TAOK3: variants seen among roughly 807,000 people sequenced by gnomAD.
TAOK3 encodes serine/threonine-protein kinase TAO3.
A neutral mutation model predicts 120.4 loss-of-function variants in TAOK3; 40 were observed. The observed-to-expected ratio is 0.33, with a 90% CI of 0.26 to 0.43. The LOEUF (loss-of-function observed/expected upper bound fraction) is 0.43. Among genes scored for constraint, TAOK3 ranks in the 20% least tolerant of loss-of-function variants. TAOK3 has a pLI of 1.00. For synonymous variants in TAOK3, 355 were observed against 387.5 expected, an observed-to-expected ratio of 0.92 and a Z score of 0.99; for missense variants, 821 against 1,112.1, an observed-to-expected ratio of 0.74 and a Z score of 3.72.
chr12:118,236,287 G>T (rs2040017667), intron 7 of TAOK3: 1 of 152,096 alleles, frequency 6.6e-6, no homozygotes, highest in African/African-American at 2.4e-5. Flanking sequence ...GTAAAAAGAA[G>T]ACCCTGAAAG....
chr12:118,286,991 C>T (rs909660726), intron 1 of TAOK3, among the ~76,000 whole-genome samples: 57 of 152,236 alleles, frequency 3.7e-4, no homozygotes, highest in African/African-American at 1.3e-3. Flanking sequence ...ATAGTATGTT[C>T]TCACTCATAA....
chr12:118,350,937 G>C (rs2045119827), intron 1 of TAOK3, among the ~76,000 whole-genome samples: 1 of 152,040 alleles, frequency 6.6e-6, no homozygotes, highest in African/African-American at 2.4e-5. Context: ...CCAGCACTTT[G>C]GGAGGCTGAG....
At chr12:118,298,917 G>A (rs9943819) in intron 1 of TAOK3, among the ~76,000 whole-genome samples, 38,435 of 152,012 alleles carry the variant, frequency 0.25, 5,759 homozygotes, top group African/African-American at 0.42. Flanking sequence ...TTGTTGTTCT[G>A]ACCTAAATCT....
chr12:118,297,618 TTTA>T (rs769688696), intron 1 of TAOK3, among the ~76,000 whole-genome samples: 35 of 152,250 alleles, frequency 2.3e-4, no homozygotes, highest in Non-Finnish European at 4.3e-4. Flanking sequence ...TCCTTATATG[TTTA>T]TTGTTTCTCT....
At chr12:118,346,488 T>TG (rs557220121) in intron 1 of TAOK3, among the ~76,000 whole-genome samples, 1 of 152,232 alleles carries the variant, frequency 6.6e-6, no homozygotes, top group Non-Finnish European at 1.5e-5. Flanking sequence ...AATATTGTTT[T>TG]GGGGCATCTT....
At chr12:118,206,040 G>A (rs994436959) in intron 11 of TAOK3, among the ~76,000 whole-genome samples, 10 of 152,098 alleles carry the variant, frequency 6.6e-5, no homozygotes, top group African/African-American at 2.4e-4. Context: ...TGAGAGGTAG[G>A]CAGAAGTTCT....
At chr12:118,351,402 G>T (rs1205242141) in intron 1 of TAOK3, among the ~76,000 whole-genome samples, 1 of 152,114 alleles carries the variant, frequency 6.6e-6, no homozygotes, top group African/African-American at 2.4e-5. Context: ...CCTGACCCGA[G>T]TAGATGCTCA....
intron 6 of TAOK3, among the ~76,000 whole-genome samples, chr12:118,238,997 G>C (rs2040133148): frequency 6.6e-6 from 1 of 152,136 alleles, no homozygotes; most frequent in African/African-American, 2.4e-5. Flanking sequence ...CAAACATTTT[G>C]GTAGTACCTG....
chr12:118,222,376 T>C (rs181876164), intron 9 of TAOK3, among the ~76,000 whole-genome samples: 2 of 152,018 alleles, frequency 1.3e-5, no homozygotes, highest in Admixed American at 1.3e-4. Flanking sequence ...CTACTAAAAA[T>C]ACAAAAATTA....
At chr12:118,190,970 A>C (rs926030035) in intron 13 of TAOK3, among the ~76,000 whole-genome samples, 2 of 152,234 alleles carry the variant, frequency 1.3e-5, no homozygotes, top group African/African-American at 4.8e-5. Flanking sequence ...TTAAAATAGT[A>C]CATGTTCAGG....
At chr12:118,343,551 T>C (rs1334152872) in intron 1 of TAOK3, among the ~76,000 whole-genome samples, 1 of 152,160 alleles carries the variant, frequency 6.6e-6, no homozygotes, top group Admixed American at 6.5e-5. Context: ...GCATTTGATA[T>C]GTGCAGGGAA....
At chr12:118,362,538 G>T (rs891126886) in intron 1 of TAOK3, among the ~76,000 whole-genome samples, 1 of 152,024 alleles carries the variant, frequency 6.6e-6, no homozygotes, top group Non-Finnish European at 1.5e-5. Flanking sequence ...GATACGGTAG[G>T]AAAGATGGAA....
chr12:118,207,444 C>A (rs2038386170), intron 11 of TAOK3, among the ~76,000 whole-genome samples: 1 of 151,850 alleles, frequency 6.6e-6, no homozygotes, highest in African/African-American at 2.4e-5. Context: ...TCTCTCAGAA[C>A]AATGAATAAC....
chr12:118,318,305 G>A (rs1029375815), intron 1 of TAOK3, among the ~76,000 whole-genome samples: 2 of 151,888 alleles, frequency 1.3e-5, no homozygotes, highest in South Asian at 4.2e-4. Context: ...CTACAGGAAC[G>A]CACCACCACG....
chr12:118,217,581 G>A (rs2038970340), intron 9 of TAOK3, among the ~76,000 whole-genome samples: 1 of 151,562 alleles, frequency 6.6e-6, no homozygotes, highest in Admixed American at 6.6e-5. Context: ...AGCTACTTGG[G>A]AGGCTGAGAG....
intron 9 of TAOK3, among the ~76,000 whole-genome samples, chr12:118,227,208 G>A (rs1005112375): frequency 6.7e-6 from 1 of 148,982 alleles, no homozygotes; most frequent in African/African-American, 2.5e-5. Context: ...GTGTTATAAG[G>A]AAAATTTTGG....
In TAOK3 at chr12:118,282,154, A is replaced by G. The variant is rs550203474; in HGVS notation, c.-193-15395T>C. Among the ~76,000 whole-genome samples the G allele has an allele frequency of 9.2e-5, 14 of 152,366 alleles. No homozygotes were observed. In the South Asian group the frequency reaches 2.9e-3, roughly 32 times the overall value. On this transcript the variant is annotated intron_variant, in intron 1 of 20. Transcript: ENST00000392533. ...CAGTATAAATGGGTATTGGTGAGGAATTCTAAAAGTTCTTCTTATGTGTAG... is the reference window on the plus strand; with the variant it reads ...CAGTATAAATGGGTATTGGTGAGGAGTTCTAAAAGTTCTTCTTATGTGTAG...
chr12:118,174,376 C>CT lies in TAOK3; in HGVS notation c.1696-1717dup, dbSNP rs766172789. On this transcript the variant is annotated intron_variant, in intron 16 of 20. Transcript: ENST00000392533. ...GGGGTTATCTCAAATTGGCTTCTGG[C>CT]TTTTTTTTTTTTTTCATGAGCATGT... Among the ~76,000 whole-genome samples the CT allele has an allele frequency of 2.9e-3, 384 of 133,164 alleles. 1 individual carries two copies. Among genetic ancestry groups the CT allele is most frequent in the African/African-American group, 3.1e-3 (112 of 36,344 alleles). 87.4% of individuals were successfully genotyped at this position (133,164 alleles called of 152,430 possible).
intron 9 of TAOK3, among the ~76,000 whole-genome samples, chr12:118,230,275 C>G (rs1264200696): frequency 6.6e-6 from 1 of 151,982 alleles, no homozygotes; most frequent in Non-Finnish European, 1.5e-5. Context: ...ATACCAAAAT[C>G]TGACTCATAC....
Sources: allele counts gnomAD v4.1 joint callset (sites outside exome capture counted in the v4.1 genomes callset), GRCh38; gene constraint gnomAD v4.1.1; transcripts MANE v1.5; gene names NCBI Gene and HGNC (gene_info 2026-07-23, HGNC 2026-07-21).